ROBO2: variants seen among roughly 807,000 people sequenced by gnomAD.
ROBO2 encodes roundabout guidance receptor 2, also known as roundabout homolog 2.
In ROBO2, 53 loss-of-function variants were observed where a neutral mutation model predicts 160.8. The observed-to-expected ratio is 0.33, with a 90% CI of 0.26 to 0.41. The LOEUF is 0.41. Among genes scored for constraint, ROBO2 ranks in the 10% least tolerant of loss-of-function variants. ROBO2 has a pLI of 1.00. For synonymous variants in ROBO2, 664 were observed against 611.7 expected, an observed-to-expected ratio of 1.09 and a Z score of -1.26; for missense variants, 1,577 against 1,722.4, an observed-to-expected ratio of 0.92 and a Z score of 1.49.
chr3:77,561,150 A>G (rs995768248), intron 9 of ROBO2, among the ~76,000 whole-genome samples: 3 of 152,182 alleles, frequency 2.0e-5, no homozygotes, highest in Non-Finnish European at 2.9e-5. Flanking sequence ...ATCAATTAAG[A>G]TAGTGAAATG....
intron 1 of ROBO2, among the ~76,000 whole-genome samples, chr3:77,096,420 C>T (rs956385658): frequency 6.6e-6 from 1 of 151,210 alleles, no homozygotes; most frequent in Non-Finnish European, 1.5e-5. Flanking sequence ...ATCAACAGAG[C>T]CTTCTCTTCC....
At chr3:76,059,709 A>T (rs941632413) in intron 2 of ROBO2, among the ~76,000 whole-genome samples, 3 of 152,016 alleles carry the variant, frequency 2.0e-5, no homozygotes, top group Admixed American at 6.6e-5. Context: ...GGTGTTTTAG[A>T]CATGAAGTCC....
At chr3:76,185,036 T>C (rs1701678866) in intron 2 of ROBO2, among the ~76,000 whole-genome samples, 1 of 151,470 alleles carries the variant, frequency 6.6e-6, no homozygotes, top group African/African-American at 2.4e-5. Flanking sequence ...CAGATAATGA[T>C]TTATCAGATT....
intron 13 of ROBO2, among the ~76,000 whole-genome samples, chr3:77,572,028 G>T (rs568935414): frequency 3.3e-5 from 5 of 151,848 alleles, no homozygotes; most frequent in African/African-American, 1.2e-4. Flanking sequence ...ACAATGTTTT[G>T]TGGTAAACAT....
intron 2 of ROBO2, among the ~76,000 whole-genome samples, chr3:77,030,067 C>G (rs1224765283): frequency 7.9e-5 from 12 of 152,046 alleles, no homozygotes; most frequent in Non-Finnish European, 1.5e-5. Flanking sequence ...GCCTCAGCCT[C>G]CCGAGAAGCT....
At chr3:76,701,431 G>C (rs537782043) in intron 2 of ROBO2, among the ~76,000 whole-genome samples, 5 of 152,130 alleles carry the variant, frequency 3.3e-5, no homozygotes, top group Non-Finnish European at 7.4e-5. Flanking sequence ...AATTTAATTT[G>C]ATTATTAGCA....
At chr3:77,353,570 G>A (rs7431364) in intron 2 of ROBO2, among the ~76,000 whole-genome samples, 47,619 of 151,808 alleles carry the variant, frequency 0.31, 7,950 homozygotes, top group Non-Finnish European at 0.38. Context: ...GAGCACAGTG[G>A]CATGACCTTG....
chr3:77,012,932 A>G (rs964849787), intron 2 of ROBO2, among the ~76,000 whole-genome samples: 2 of 152,178 alleles, frequency 1.3e-5, no homozygotes, highest in African/African-American at 4.8e-5. Flanking sequence ...TGTGTTACCA[A>G]TTACATTTCA....
chr3:77,317,370 G>T, intron 2 of ROBO2: 1 of 955,330 alleles, frequency 1.0e-6, no homozygotes, highest in Non-Finnish European at 1.7e-6. Flanking sequence ...GGTGCCTAGT[G>T]TATTGTCGGG....
intron 2 of ROBO2, among the ~76,000 whole-genome samples, chr3:76,135,786 A>G (rs2071406339): frequency 6.6e-6 from 1 of 152,142 alleles, no homozygotes. Flanking sequence ...TTTTGTAAGG[A>G]CATCTAAATA....
intron 2 of ROBO2, among the ~76,000 whole-genome samples, chr3:77,178,659 C>A (rs1396901302): frequency 6.6e-6 from 1 of 151,968 alleles, no homozygotes; most frequent in South Asian, 2.1e-4. Context: ...TTATACCCCC[C>A]ACAGTGTGTA....
chr3:76,967,903 A>T lies in ROBO2; in HGVS notation c.110-130111A>T, dbSNP rs544424565. On this transcript the variant is annotated intron_variant, in intron 2 of 26. Transcript: ENST00000487694. ...TGCTAAGATTGCTTATCTCCGTTTT[A>T]GATACTGGATATTTCAGCCACAAGA... Among the ~76,000 whole-genome samples, 446 of 152,160 alleles carry T rather than the reference A, an allele frequency of 2.9e-3. 6 individuals carry two copies. The highest frequency in any genetic ancestry group is 6.8e-3 in the Middle Eastern group (2 of 292).
At chr3:76,096,477 A>G (rs1377319325) in intron 2 of ROBO2, among the ~76,000 whole-genome samples, 1 of 152,208 alleles carries the variant, frequency 6.6e-6, no homozygotes, top group Non-Finnish European at 1.5e-5. Context: ...GGTAAGTAAC[A>G]CAGAGAAGGA....
At chr3:77,162,365 T>C (rs1359030727) in intron 2 of ROBO2, among the ~76,000 whole-genome samples, 2 of 152,232 alleles carry the variant, frequency 1.3e-5, no homozygotes, top group African/African-American at 4.8e-5. Context: ...TTTAGCTTCA[T>C]AAGTATTGAC....
intron 2 of ROBO2, among the ~76,000 whole-genome samples, chr3:77,204,300 A>ATAATT (rs1257918609): frequency 6.6e-6 from 1 of 152,122 alleles, no homozygotes; most frequent in African/African-American, 2.4e-5. Flanking sequence ...CAACTAAAAT[A>ATAATT]TGTTACTTTT....
chr3:76,840,347 T>G (rs2068104229), intron 2 of ROBO2, among the ~76,000 whole-genome samples: 1 of 151,784 alleles, frequency 6.6e-6, no homozygotes, highest in Admixed American at 6.6e-5. Flanking sequence ...CGGTAGCTCA[T>G]ACCTGTAATC....
chr3:76,018,219 G>A (rs2066460283), intron 2 of ROBO2, among the ~76,000 whole-genome samples: 1 of 151,648 alleles, frequency 6.6e-6, no homozygotes. Context: ...AAATGATATT[G>A]ACTTAAAAAA....
intron 2 of ROBO2, among the ~76,000 whole-genome samples, chr3:77,354,579 A>T (rs1020526798): frequency 6.6e-6 from 1 of 152,206 alleles, no homozygotes; most frequent in African/African-American, 2.4e-5. Context: ...GTCAACTGAA[A>T]TGTCCATATT....
intron 2 of ROBO2, among the ~76,000 whole-genome samples, chr3:76,887,359 A>T (rs9813353): frequency 0.3 from 45,269 of 151,642 alleles, 7,213 homozygotes; most frequent in Admixed American, 0.44. Flanking sequence ...CTGTGTCGCT[A>T]GTTCTAACTC....
Sources: allele counts gnomAD v4.1 joint callset (sites outside exome capture counted in the v4.1 genomes callset), GRCh38; gene constraint gnomAD v4.1.1; transcripts MANE v1.5; gene names NCBI Gene and HGNC (gene_info 2026-07-23, HGNC 2026-07-21).